Variants in ACSL1 observed in about 807,000 individuals in gnomAD.
ACSL1 encodes the protein long-chain-fatty-acid--CoA ligase 1.
Under a neutral mutation model 98.4 loss-of-function variants are expected in ACSL1, and 41 were observed. The observed-to-expected ratio is 0.42, with a 90% CI of 0.32 to 0.54. The LOEUF is 0.54. ACSL1 is among the 20% of genes least tolerant of loss of function. The pLI is 0.13. For synonymous variants in ACSL1, 316 were observed against 322.7 expected, an observed-to-expected ratio of 0.98 and a Z score of 0.22; for missense variants, 734 against 883.1, an observed-to-expected ratio of 0.83 and a Z score of 2.14.
intron 1 of ACSL1, among the ~76,000 whole-genome samples, chr4:184,805,946 G>GCAT (rs1452826460): frequency 6.6e-6 from 1 of 152,180 alleles, no homozygotes; most frequent in Non-Finnish European, 1.5e-5. Context: ...TAGGATGCCG[G>GCAT]GTGGTATGTC....
At position 184,760,516 on chromosome 4, in the gene ACSL1, G is replaced by A. The variant is rs1269119582; in HGVS notation, c.1639-16C>T. On this transcript the variant is annotated splice_polypyrimidine_tract_variant and intron_variant, in intron 17 of 20. Coordinates refer to ENST00000281455, the MANE Select transcript of ACSL1 (RefSeq NM_001995.5). ...AGGTGCCATTCTGTTGATCAGAGGGGAGGGGGTTATGAATGGGCTGATGGC... is the reference window on the plus strand; with the variant it reads ...AGGTGCCATTCTGTTGATCAGAGGGAAGGGGGTTATGAATGGGCTGATGGC... 1.2e-6 allele frequency: 2 copies of A among 1,613,828 alleles called. No individual in the cohort carries two copies. Among genetic ancestry groups the A allele is most frequent in the South Asian group, 1.1e-5 (1 of 91,018 alleles).
intron 1 of ACSL1, among the ~76,000 whole-genome samples, chr4:184,807,670 C>A (rs1561240233): frequency 6.6e-6 from 1 of 152,214 alleles, no homozygotes; most frequent in South Asian, 2.1e-4. Flanking sequence ...ATCCTGGTAC[C>A]CGTCTACCCA....
chr4:184,792,550 G>A (rs1054262133), intron 2 of ACSL1, among the ~76,000 whole-genome samples: 1 of 152,044 alleles, frequency 6.6e-6, no homozygotes, highest in African/African-American at 2.4e-5. Flanking sequence ...AGCAATCCTC[G>A]CACTTAGCCT....
chr4:184,771,366 A>G (rs1183834343), intron 10 of ACSL1, among the ~76,000 whole-genome samples: 1 of 152,186 alleles, frequency 6.6e-6, no homozygotes, highest in Non-Finnish European at 1.5e-5. Context: ...TATGTTGTTA[A>G]GGGAAAGGAG....
At chr4:184,820,834 G>A (rs927429345) in intron 1 of ACSL1, among the ~76,000 whole-genome samples, 1 of 151,994 alleles carries the variant, frequency 6.6e-6, no homozygotes, top group African/African-American at 2.4e-5. Context: ...ACCCGCCTCG[G>A]CCTCCCAAAA....
At chr4:184,759,804 T>C (rs887393144) in intron 18 of ACSL1, among the ~76,000 whole-genome samples, 4 of 152,198 alleles carry the variant, frequency 2.6e-5, no homozygotes, top group Non-Finnish European at 2.9e-5. Context: ...GAACTAGAAA[T>C]ACCATTTGAC....
intron 7 of ACSL1, among the ~76,000 whole-genome samples, chr4:184,774,547 A>C (rs1236768602): frequency 6.6e-6 from 1 of 152,146 alleles, no homozygotes; most frequent in African/African-American, 2.4e-5. Flanking sequence ...AGCATTTCCC[A>C]GCGGCAGGCT....
In ACSL1 at chr4:184,765,899, C is replaced by T. The variant is rs1763520682; in HGVS notation, c.1351G>A (p.Gly451Ser). ...CGTGACATCCACCTCACCTGACAGC[C>T]CAGGGCTGCTCTGAGGAACGTCAGC... ...TVLTFLRAAL[G>S]CQFYEGYGQT... The change falls in exon 14 of 21, where the codon GGC (glycine) becomes AGC (serine). Residue 451 changes from glycine to serine, a missense_variant. Gly to Ser is a moderately conservative substitution (Grantham distance 56). Transcript: ENST00000281455. 2 of 1,613,844 alleles carry T rather than the reference C, an allele frequency of 1.2e-6. No individual in the cohort carries two copies. Among genetic ancestry groups the T allele is most frequent in the Non-Finnish European group, 1.7e-6 (2 of 1,179,874 alleles).
intron 2 of ACSL1, among the ~76,000 whole-genome samples, chr4:184,793,195 A>T (rs1378134339): frequency 7.3e-5 from 3 of 41,280 alleles, no homozygotes; most frequent in Non-Finnish European, 1.5e-4. Flanking sequence ...GTTCCCAGTT[A>T]AAAAAAAAAA....
Position 184,765,959 on chromosome 4 carries a change from T to C in ACSL1, c.1291A>G (p.Met431Val). Residue 431 changes from methionine (M) to valine (V), a missense_variant, in exon 14 of 21, where the codon ATG (methionine) becomes GTG (valine). Transcript: ENST00000281455. ...GACACCGGGGCGGCTCCTGTCACCA[T>C]CAGCCGGACTCTTCCGCCCAGGCTC... ...QSSLGGRVRL[M>V]VTGAAPVSAT... 6.2e-7 allele frequency: 1 copy of C among 1,613,922 alleles called. No homozygotes were observed. Among genetic ancestry groups the C allele is most frequent in the Non-Finnish European group, 8.5e-7 (1 of 1,179,912 alleles).
At chr4:184,813,331 G>A (rs1418190312) in intron 1 of ACSL1, among the ~76,000 whole-genome samples, 1 of 152,196 alleles carries the variant, frequency 6.6e-6, no homozygotes, top group African/African-American at 2.4e-5. Flanking sequence ...GTCACAATGA[G>A]GCAGATAAGT....
Position 184,817,885 on chromosome 4 carries a change from C to T in ACSL1, c.-33+8031G>A, listed in dbSNP as rs1189677269. 2.6e-5 allele frequency among the ~76,000 whole-genome samples: 4 copies of T among 152,188 alleles called. No individual in the cohort carries two copies. In the East Asian group the frequency reaches 7.7e-4, roughly 29 times the overall value. The stretch of plus-strand genomic sequence containing the variant: ...GGCTGGCCTCCTCTGAAGGTCTGTC[C>T]TGGACACCCTGAAGCTTCAGCCCTG... On this transcript the variant is annotated intron_variant, in intron 1 of 20. Transcript: ENST00000281455.
Position 184,825,730 on chromosome 4 carries a change from G to C in ACSL1, c.-33+186C>G, listed in dbSNP as rs1336418179. On this transcript the variant is annotated intron_variant, in intron 1 of 20. Transcript: ENST00000281455. This position sits in a 1 kb window ranked among gnomAD's most constrained non-coding sequence, Gnocchi z 4.7. ...CCCCGGAGGCCTCCGGCTGCCGAGG[G>C]AAGCGGGGCCGCGGGCAGGAGGCCG... 1.3e-5 allele frequency among the ~76,000 whole-genome samples: 2 copies of C among 149,852 alleles called. No individual in the cohort carries two copies. Among genetic ancestry groups the C allele is most frequent in the African/African-American group, 4.9e-5 (2 of 41,192 alleles).
intron 2 of ACSL1, among the ~76,000 whole-genome samples, chr4:184,796,210 T>C (rs1454023897): frequency 6.6e-6 from 1 of 152,222 alleles, no homozygotes; most frequent in East Asian, 1.9e-4. Flanking sequence ...GGATGCTTCC[T>C]GCCCTCGAAC....
rs113357271 is a variant in ACSL1 at position 184,788,875 on chromosome 4, T to C, written c.196-144A>G. On this transcript the variant is annotated intron_variant, in intron 2 of 20. Transcript: ENST00000281455. ...TGAGAACACTTAAAATCTATTCTCT[T>C]AGTAATTTCAGGTATATGGTACATT... The C allele has an allele frequency of 8.9e-3, 5,695 of 641,766 alleles. 33 individuals carry two copies. Among genetic ancestry groups the C allele is most frequent in the Non-Finnish European group, 0.011 (4,033 of 369,846 alleles). 39.8% of individuals were successfully genotyped at this position (641,766 alleles called of 1,614,324 possible). A position where few individuals can be genotyped will look rare whatever the true frequency, so the allele number is the denominator to read the frequency against.
At chr4:184,820,839 C>T (rs1026844625) in intron 1 of ACSL1, among the ~76,000 whole-genome samples, 3 of 152,090 alleles carry the variant, frequency 2.0e-5, no homozygotes, top group African/African-American at 7.2e-5. Context: ...CCTCGGCCTC[C>T]CAAAATGCTG....
chr4:184,806,773 A>C (rs1394016797), intron 1 of ACSL1, among the ~76,000 whole-genome samples: 1 of 152,256 alleles, frequency 6.6e-6, no homozygotes, highest in Non-Finnish European at 1.5e-5. Context: ...TAAGGGTTTG[A>C]ATCCAGCCAA....
intron 1 of ACSL1, among the ~76,000 whole-genome samples, chr4:184,811,004 G>A (rs1772006340): frequency 6.6e-6 from 1 of 152,214 alleles, no homozygotes; most frequent in South Asian, 2.1e-4. Context: ...AAAGCCCACA[G>A]ACCTCAAGAG....
Position 184,763,228 on chromosome 4 carries a change from T to C in ACSL1, c.1460A>G (p.Asn487Ser), listed in dbSNP as rs772759019. Reference sequence around the variant, plus strand: ...TTCCACATCAACAAGTTTTATCAAATTGCACGGCATCGGGGCCCCAACATG... The same window carrying C: ...TTCCACATCAACAAGTTTTATCAAACTGCACGGCATCGGGGCCCCAACATG... The part of the protein sequence containing the change: ...AGHVGAPMPC[N>S]LIKLVDVEEM... Residue 487 changes from asparagine (N) to serine (S), a missense_variant, in exon 16 of 21, where the codon AAT becomes AGT. Asn to Ser is a conservative substitution (Grantham distance 46). Coordinates refer to ENST00000281455, the MANE Select transcript of ACSL1 (RefSeq NM_001995.5). The C allele has an allele frequency of 1.4e-5, 22 of 1,614,112 alleles. No individual in the cohort carries two copies. Among genetic ancestry groups the C allele is most frequent in the Non-Finnish European group, 1.8e-5 (21 of 1,180,026 alleles).
Sources: allele counts gnomAD v4.1 joint callset (sites outside exome capture counted in the v4.1 genomes callset), GRCh38; gene constraint gnomAD v4.1.1; non-coding constraint Gnocchi (gnomAD v3.1); transcripts MANE v1.5; gene names NCBI Gene and HGNC (gene_info 2026-07-23, HGNC 2026-07-21).